PABPC1: variants seen among roughly 807,000 people sequenced by gnomAD.
PABPC1 encodes poly(A) binding protein cytoplasmic 1.
PABPC1 carries 4 observed loss-of-function variants against 74.0 expected under a neutral mutation model. The observed-to-expected ratio is 0.05, with a 90% CI of 0.03 to 0.12. PABPC1 has a LOEUF of 0.12. Ranked by LOEUF, PABPC1 falls within the 10% of genes least tolerant of loss-of-function variation. PABPC1 has a pLI of 1.00. For missense variants in PABPC1, 271 were observed against 821.1 expected (o/e 0.33, Z 8.19); for synonymous variants, 227 against 264.1 (o/e 0.86, Z 1.36).
chr8:100,718,078 T>C lies in PABPC1; in HGVS notation c.387+9A>G. On this transcript the variant is annotated intron_variant, in intron 2 of 14. Coordinates refer to ENST00000318607, the MANE Select transcript of PABPC1 (RefSeq NM_002568.4). The stretch of plus-strand genomic sequence containing the variant: ...ATGTAAACATGTGTATCGGACATTT[T>C]TGGCTTACCTTACATGAAAGGATGT... 6.3e-7 allele frequency: 1 copy of C among 1,585,252 alleles called. No individual in the cohort carries two copies. Among genetic ancestry groups the C allele is most frequent in the Non-Finnish European group, 8.6e-7 (1 of 1,163,680 alleles).
At chr8:100,704,078 C>G (rs1810318680) in intron 14 of PABPC1, 1 of 363,026 alleles carries the variant, frequency 2.8e-6, no homozygotes, top group East Asian at 5.1e-5. Flanking sequence ...AAAAAAAACA[C>G]CACCTGAAAG....
chr8:100,717,626 T>A (rs1429048383), intron 3 of PABPC1, 147 bp downstream of exon 3: 1 of 599,336 alleles, frequency 1.7e-6, no homozygotes, highest in Non-Finnish European at 3.0e-6. Flanking sequence ...ACTACATGAA[T>A]TTTTGTTATT....
chr8:100,718,928 T>C (rs1563616540), intron 1 of PABPC1, among the ~76,000 whole-genome samples: 3 of 152,128 alleles, frequency 2.0e-5, no homozygotes, highest in African/African-American at 7.2e-5. Flanking sequence ...TTAGACATAT[T>C]TGGTTTCATA....
Position 100,717,758 on chromosome 8 carries a change from A to G in PABPC1, c.503+15T>C, listed in dbSNP as rs182239092. On this transcript the variant is annotated intron_variant, in intron 3 of 14. Transcript: ENST00000318607. ...TAAGATTCAAAATATGATTAGCTAG[A>G]TATTTATAACTTACACTTTGCGATC... is the stretch of plus-strand genomic sequence containing the variant. The G allele has an allele frequency of 2.5e-5, 34 of 1,375,494 alleles. No homozygotes were observed. The East Asian group carries it at 3.9e-4, about 16-fold the overall frequency. 85.2% of individuals were successfully genotyped at this position (1,375,494 alleles called of 1,614,324 possible).
intron 8 of PABPC1, 105 bp from the exon 9 acceptor site, chr8:100,709,328 A>G: frequency 6.8e-7 from 1 of 1,461,778 alleles, no homozygotes; most frequent in Non-Finnish European, 9.6e-7. Context: ...TTCACACTCA[A>G]GCATTTTTTC....
At chr8:100,715,828 A>G (rs1249547450) in intron 3 of PABPC1, among the ~76,000 whole-genome samples, 1 of 152,082 alleles carries the variant, frequency 6.6e-6, no homozygotes, top group African/African-American at 2.4e-5. Flanking sequence ...TTTAATACAC[A>G]CTTCTCTTCT....
Position 100,703,353 on chromosome 8 carries a change from G to A in PABPC1, c.*8C>T, listed in dbSNP as rs1324711058. ...GCACAAGTTTCTTTTCATGGTCCCT[G>A]ATCAATCTGTAAATGTTAAAAAAAC... is the stretch of plus-strand genomic sequence containing the variant. On this transcript the variant is annotated 3_prime_UTR_variant, in exon 15 of 15. Coordinates refer to ENST00000318607, the MANE Select transcript of PABPC1 (RefSeq NM_002568.4). 1 of 155,992 alleles carries A rather than the reference G, an allele frequency of 6.4e-6. No individual in the cohort carries two copies. 9.7% of individuals were successfully genotyped at this position (155,992 alleles called of 1,614,324 possible). A position where few individuals can be genotyped will look rare whatever the true frequency, so the allele number is the denominator to read the frequency against.
intron 3 of PABPC1, among the ~76,000 whole-genome samples, chr8:100,716,352 T>C (rs976801264): frequency 3.9e-5 from 6 of 152,068 alleles, no homozygotes; most frequent in East Asian, 3.9e-4. Flanking sequence ...AGTGAGTAGA[T>C]TGCACCACTG....
At position 100,712,933 on chromosome 8, in the gene PABPC1, G is replaced by A. The variant is rs1005685575; in HGVS notation, c.739-144C>T. 13 of 1,122,106 alleles carry A rather than the reference G, an allele frequency of 1.2e-5. No homozygotes were observed. The African/African-American group carries it at 1.9e-4, about 16-fold the overall frequency. 69.5% of individuals were successfully genotyped at this position (1,122,106 alleles called of 1,614,324 possible). On this transcript the variant is annotated intron_variant, in intron 5 of 14. Transcript: ENST00000318607. ...AATCTCAAGGTTTTGGGACAATATA[G>A]GTTACCAATTTATACTCTCAAACCT...
At chr8:100,704,264 G>A (rs1810323436) in intron 14 of PABPC1, 33 bp downstream of exon 14, 2 of 1,499,958 alleles carry the variant, frequency 1.3e-6, no homozygotes, top group Non-Finnish European at 1.9e-6. Context: ...AAGAAAACAA[G>A]CTTAAAACAA....
chr8:100,714,745 C>T (rs1008842194), intron 4 of PABPC1, among the ~76,000 whole-genome samples: 1 of 151,980 alleles, frequency 6.6e-6, no homozygotes, highest in African/African-American at 2.4e-5. Context: ...ATTAGATTTC[C>T]TAATTCTTTA....
chr8:100,715,319 G>C, intron 4 of PABPC1, 143 bp downstream of exon 4: 1 of 667,534 alleles, frequency 1.5e-6, no homozygotes, highest in Non-Finnish European at 2.4e-6. Context: ...ATGGCCAGCA[G>C]CTTAATTCAA....
chr8:100,704,669 T>C (rs182481386), intron 13 of PABPC1, among the ~76,000 whole-genome samples: 5 of 152,354 alleles, frequency 3.3e-5, no homozygotes, highest in Admixed American at 2.6e-4. Flanking sequence ...GTTGAGAGTA[T>C]GGCTGTTGGA....
intron 2 of PABPC1, 75 bp downstream of exon 2, chr8:100,718,012 A>G (rs999045090): frequency 4.3e-6 from 6 of 1,389,542 alleles, no homozygotes; most frequent in African/African-American, 1.4e-5. Context: ...CCATTACTGC[A>G]CAGTTCCTAT....
At chr8:100,707,143 T>C in intron 9 of PABPC1, 146 bp from the exon 10 acceptor site, 2 of 583,998 alleles carry the variant, frequency 3.4e-6, no homozygotes, top group South Asian at 3.9e-5. Flanking sequence ...CTTGCCATTT[T>C]CCCAGACTCA....
chr8:100,716,017 A>C (rs2129736845), intron 3 of PABPC1, among the ~76,000 whole-genome samples: 1 of 152,334 alleles, frequency 6.6e-6, no homozygotes, highest in East Asian at 1.9e-4. Context: ...CCAATCGTGT[A>C]CTCTAACACA....
intron 5 of PABPC1, 51 bp downstream of exon 5, chr8:100,713,036 G>A (rs1810571266): frequency 7.7e-7 from 1 of 1,297,248 alleles, no homozygotes. Flanking sequence ...TTCAACACAA[G>A]AGCAACTCAA....
intron 1 of PABPC1, among the ~76,000 whole-genome samples, chr8:100,719,857 GCATTGATACAT>G (rs1366810594): frequency 6.6e-6 from 1 of 152,190 alleles, no homozygotes; most frequent in Non-Finnish European, 1.5e-5. Context: ...CATCTGACAT[GCATTGATACAT>G]CCTGCCTAAG....
Position 100,721,751 on chromosome 8 carries a change from G to A in PABPC1, c.-168C>T. 1 of 548,210 alleles carries A rather than the reference G, an allele frequency of 1.8e-6. No individual in the cohort carries two copies. The highest frequency in any genetic ancestry group is 2.9e-6 in the Non-Finnish European group (1 of 340,190). 34.0% of individuals were successfully genotyped at this position (548,210 alleles called of 1,614,324 possible). On this transcript the variant is annotated 5_prime_UTR_variant, in exon 1 of 15. Transcript: ENST00000318607. This position sits in a 1 kb window ranked among gnomAD's most constrained non-coding sequence, Gnocchi z 7.4. ...TACTCAACGGCCGCAGAACGGGGTC[G>A]ATCCACTGCCGCTGGCTGCCGGCTG... is the stretch of plus-strand genomic sequence containing the variant.
Sources: gnomAD v4.1 joint callset for allele counts (sites outside exome capture counted in the v4.1 genomes callset) on GRCh38, gnomAD v4.1.1 for gene constraint, Gnocchi (gnomAD v3.1) non-coding constraint, MANE v1.5 for transcripts, NCBI Gene and HGNC (gene_info 2026-07-23, HGNC 2026-07-21) for gene names.